The following BRMS1L variants were observed in gnomAD, a reference collection of about 807,000 sequenced individuals.
BRMS1L encodes the protein BRMS1 like transcriptional repressor.
A neutral mutation model predicts 50.3 loss-of-function variants in BRMS1L; 23 were observed. The observed-to-expected ratio is 0.46, with a 90% CI of 0.33 to 0.65. The LOEUF is 0.65. Among genes scored for constraint, BRMS1L ranks in the 30% least tolerant of loss-of-function variants. The probability of loss-of-function intolerance (pLI) is 0.02; values close to 1 mark genes in which losing one functional copy is unlikely to be tolerated. For missense variants in BRMS1L, 286 were observed against 386.1 expected (o/e 0.74, Z 2.17); for synonymous variants, 114 against 126.9 (o/e 0.90, Z 0.69).
At chr14:35,835,052 T>C (rs2415305) in intron 4 of BRMS1L, 129 bp downstream of exon 4, 84 of 398,848 alleles carry the variant, frequency 2.1e-4, no homozygotes, top group South Asian at 1.2e-3. Context: ...TGTGTGTGAT[T>C]AAAAAAAAAA....
chr14:35,862,587 C>A lies in BRMS1L; in HGVS notation c.442-3C>A. 2 of 1,567,324 alleles carry A rather than the reference C, an allele frequency of 1.3e-6. No individual in the cohort carries two copies. The highest frequency in any genetic ancestry group is 2.5e-5 in the South Asian group (2 of 80,380). ...CTTAAGTATAATCTGTTTTTCTCCC[C>A]AGAGCGAAAAGCTGTTGCTATATGA... On this transcript the variant is annotated splice_polypyrimidine_tract_variant and splice_region_variant and intron_variant, in intron 4 of 9. Transcript: ENST00000216807.
intron 4 of BRMS1L, among the ~76,000 whole-genome samples, chr14:35,836,098 G>A (rs1034881182): frequency 1.2e-4 from 18 of 152,170 alleles, no homozygotes; most frequent in African/African-American, 4.1e-4. Context: ...TAGCTGCTTG[G>A]ATATTTTTTC....
intron 1 of BRMS1L, among the ~76,000 whole-genome samples, chr14:35,831,120 T>C (rs1333347919): frequency 1.3e-5 from 2 of 151,694 alleles, no homozygotes; most frequent in Non-Finnish European, 2.9e-5. Context: ...TTTTATATTT[T>C]GTAGAGATGG....
chr14:35,854,971 T>A (rs1054812642), intron 4 of BRMS1L, among the ~76,000 whole-genome samples: 10 of 152,252 alleles, frequency 6.6e-5, no homozygotes, highest in Non-Finnish European at 1.3e-4. Flanking sequence ...GGAAAAACTT[T>A]TCCCCCCCTC....
intron 4 of BRMS1L, among the ~76,000 whole-genome samples, chr14:35,857,240 C>CAAAAA (rs200406365): frequency 8.0e-6 from 1 of 125,458 alleles, no homozygotes; most frequent in African/African-American, 3.1e-5. Flanking sequence ...GACTCCGTCT[C>CAAAAA]AAAAAAAAAA....
intron 1 of BRMS1L, among the ~76,000 whole-genome samples, chr14:35,828,666 G>C (rs1264375303): frequency 6.6e-6 from 1 of 152,044 alleles, no homozygotes; most frequent in Admixed American, 6.5e-5. Flanking sequence ...ATGTTGGCCA[G>C]GATGGTCTTG....
chr14:35,849,576 G>A (rs1179924524), intron 4 of BRMS1L, among the ~76,000 whole-genome samples: 1 of 152,080 alleles, frequency 6.6e-6, no homozygotes, highest in African/African-American at 2.4e-5. Context: ...AGAAATTACA[G>A]GCATGAACCA....
At position 35,870,573 on chromosome 14, in the gene BRMS1L, A is replaced by C; in HGVS notation, c.*96A>C. The C allele has an allele frequency of 5.7e-6, 4 of 695,696 alleles. No individual in the cohort carries two copies. Among genetic ancestry groups the C allele is most frequent in the Non-Finnish European group, 1.0e-5 (4 of 400,360 alleles). The allele number at this position is 695,696 out of a possible 1,614,324, so 43.1% of individuals were successfully genotyped here. The stretch of plus-strand genomic sequence containing the variant: ...ATGTATTCAATAACTTAATATTCTC[A>C]CTGAATCATGAGAGAATGTGTATTT... On this transcript the variant is annotated 3_prime_UTR_variant, in exon 10 of 10. Transcript: ENST00000216807.
At chr14:35,852,995 T>C (rs2078232390) in intron 4 of BRMS1L, among the ~76,000 whole-genome samples, 1 of 150,356 alleles carries the variant, frequency 6.7e-6, no homozygotes, top group Non-Finnish European at 1.5e-5. Context: ...TATCTGTATC[T>C]ATCTATCTAT....
At chr14:35,838,449 A>T (rs939260597) in intron 4 of BRMS1L, among the ~76,000 whole-genome samples, 4 of 152,204 alleles carry the variant, frequency 2.6e-5, no homozygotes, top group Admixed American at 1.3e-4. Context: ...GAATTGCCAT[A>T]CTGTCTTCTA....
intron 5 of BRMS1L, 34 bp downstream of exon 5, chr14:35,862,720 G>T: frequency 6.7e-7 from 1 of 1,497,622 alleles, no homozygotes; most frequent in South Asian, 1.2e-5. Context: ...ATGTTTGAGT[G>T]GCACCAGACC....
intron 4 of BRMS1L, among the ~76,000 whole-genome samples, chr14:35,849,149 C>G (rs2142050493): frequency 6.6e-6 from 1 of 152,106 alleles, no homozygotes; most frequent in African/African-American, 2.4e-5. Flanking sequence ...GCCACTGTAC[C>G]CTGGCCTGTA....
At chr14:35,867,844 T>C in intron 8 of BRMS1L, 62 bp from the exon 9 acceptor site, 4 of 1,484,318 alleles carry the variant, frequency 2.7e-6, no homozygotes, top group Non-Finnish European at 3.6e-6. Flanking sequence ...GTTAATGTTC[T>C]GACCCTTTGT....
At chr14:35,860,508 C>T (rs936952339) in intron 4 of BRMS1L, among the ~76,000 whole-genome samples, 1 of 151,658 alleles carries the variant, frequency 6.6e-6, no homozygotes, top group Non-Finnish European at 1.5e-5. Context: ...TTGTCATTTC[C>T]GCATAGCCAG....
At chr14:35,826,812 C>A in intron 1 of BRMS1L, 154 bp downstream of exon 1, 3 of 1,095,436 alleles carry the variant, frequency 2.7e-6, no homozygotes, top group South Asian at 3.4e-5. Flanking sequence ...GCACCCTGAC[C>A]GGTCGCTGGG....
chr14:35,835,030 T>C (rs2077972679), intron 4 of BRMS1L, 107 bp downstream of exon 4: 2 of 603,946 alleles, frequency 3.3e-6, no homozygotes, highest in South Asian at 1.2e-4. Flanking sequence ...AATAGTACTT[T>C]AGCTCATCAT....
chr14:35,862,080 G>T (rs961297541), intron 4 of BRMS1L, among the ~76,000 whole-genome samples: 2 of 151,328 alleles, frequency 1.3e-5, no homozygotes, highest in African/African-American at 4.9e-5. Flanking sequence ...TTATAATTTA[G>T]ACTATAATTG....
intron 4 of BRMS1L, among the ~76,000 whole-genome samples, chr14:35,843,082 CT>C (rs974381683): frequency 3.2e-4 from 49 of 152,242 alleles, no homozygotes; most frequent in Middle Eastern, 6.8e-3. Context: ...TTCCTGTAGC[CT>C]TTTATCAAGG....
At chr14:35,830,100 G>A (rs1003696979) in intron 1 of BRMS1L, among the ~76,000 whole-genome samples, 2 of 151,312 alleles carry the variant, frequency 1.3e-5, no homozygotes, top group African/African-American at 4.9e-5. Context: ...ATGGAGTTTC[G>A]CTCTTGTTGC....
Sources: gnomAD v4.1 joint callset for allele counts (sites outside exome capture counted in the v4.1 genomes callset) on GRCh38, gnomAD v4.1.1 for gene constraint, MANE v1.5 for transcripts, NCBI Gene and HGNC (gene_info 2026-07-23, HGNC 2026-07-21) for gene names.